BMPR1B: variants seen among roughly 807,000 people sequenced by gnomAD.
The protein encoded by BMPR1B is bone morphogenetic protein receptor type 1B.
A neutral mutation model predicts 59.1 loss-of-function variants in BMPR1B; 12 were observed. The ratio of observed to expected loss-of-function variants is 0.20; its 90% CI spans 0.13 to 0.33. The LOEUF (loss-of-function observed/expected upper bound fraction) is 0.33. Ranked by LOEUF, BMPR1B falls within the 10% of genes least tolerant of loss-of-function variation. BMPR1B has a pLI of 1.00. For synonymous variants in BMPR1B, 237 were observed against 207.3 expected, an observed-to-expected ratio of 1.14 and a Z score of -1.23; for missense variants, 550 against 610.9, an observed-to-expected ratio of 0.90 and a Z score of 1.05.
chr4:94,818,969 A>G (rs7658915), intron 1 of BMPR1B, among the ~76,000 whole-genome samples: 62,677 of 151,526 alleles, frequency 0.41, 13,436 homozygotes, highest in African/African-American at 0.54. Context: ...CCAACTCTAG[A>G]AAAAAAATTT....
intron 1 of BMPR1B, among the ~76,000 whole-genome samples, chr4:94,841,430 A>T (rs1725068564): frequency 6.6e-6 from 1 of 151,802 alleles, no homozygotes; most frequent in Admixed American, 6.6e-5. Context: ...TGGGCGTAGG[A>T]CCCTCCGAGC....
rs756876181 is a variant in BMPR1B, at chr4:94,891,892, C to T, written c.-113+15992C>T. On this transcript the variant is annotated intron_variant, in intron 2 of 12. Coordinates refer to ENST00000515059, the MANE Select transcript of BMPR1B (RefSeq NM_001203.3). ...TGAGGCTCTCTTGTGTTTGAGGCAC[C>T]ATGCCAAGCCCTGTGCCAAAGAGAC... Among the ~76,000 whole-genome samples, 9 of 151,998 alleles carry T rather than the reference C, an allele frequency of 5.9e-5. No individual in the cohort carries two copies. The South Asian group carries it at 1.2e-3, about 21-fold the overall frequency.
rs1731008059 is a variant in BMPR1B at position 94,975,729 on chromosome 4, T to C, written c.-112-20311T>C. On this transcript the variant is annotated intron_variant, in intron 2 of 12. Coordinates refer to ENST00000515059, the MANE Select transcript of BMPR1B (RefSeq NM_001203.3). ...ATGATATTATAATACCTAACCTGTT[T>C]TGGTTTTATTTCATGATTTCTCCCA... Among the ~76,000 whole-genome samples the C allele has an allele frequency of 2.0e-5, 3 of 152,270 alleles. No homozygotes were observed. The South Asian group carries it at 6.2e-4, about 32-fold the overall frequency.
In BMPR1B at chr4:94,799,595, C is replaced by T. The variant is rs557404254; in HGVS notation, c.-183+41527C>T. Among the ~76,000 whole-genome samples the T allele has an allele frequency of 6.5e-4, 99 of 152,144 alleles. 1 individual carries two copies. The South Asian group carries it at 0.018, about 27-fold the overall frequency. On this transcript the variant is annotated intron_variant, in intron 1 of 12. Transcript: ENST00000515059. Reference sequence around the variant, plus strand: ...GGGATTACAGGCATGAGCCACTGCGCCCAGCCAACTGTGTTTTTAATTCAT... The same window carrying T: ...GGGATTACAGGCATGAGCCACTGCGTCCAGCCAACTGTGTTTTTAATTCAT...
In BMPR1B at chr4:94,768,037, T is replaced by TA. The variant is rs36055467; in HGVS notation, c.-183+9979dup. On this transcript the variant is annotated intron_variant, in intron 1 of 12. Transcript: ENST00000515059. ...ATACGATTTGACTTTTGACACTTAC[T>TA]AAAAAAAAAAGGTATTTATAAAAAT... Among the ~76,000 whole-genome samples the TA allele has an allele frequency of 5.4e-4, 79 of 146,696 alleles. 1 individual carries two copies. The East Asian group carries it at 0.012, about 23-fold the overall frequency.
At chr4:94,917,948 C>T (rs983281140) in intron 2 of BMPR1B, among the ~76,000 whole-genome samples, 19 of 152,040 alleles carry the variant, frequency 1.2e-4, no homozygotes, top group Non-Finnish European at 2.5e-4. Flanking sequence ...GGGATCTGGT[C>T]ATTTAAAAGT....
At chr4:94,978,197 C>T (rs191685145) in intron 2 of BMPR1B, among the ~76,000 whole-genome samples, 2 of 152,286 alleles carry the variant, frequency 1.3e-5, no homozygotes, top group East Asian at 1.9e-4. Context: ...AAGTATGTTC[C>T]AGTTATCTAC....
chr4:94,854,548 A>G (rs774559061), intron 1 of BMPR1B, among the ~76,000 whole-genome samples: 45 of 152,228 alleles, frequency 3.0e-4, no homozygotes, highest in Admixed American at 2.7e-3. Flanking sequence ...CTTGGAATTC[A>G]GTATGTATTT....
chr4:95,152,537 G>T, intron 11 of BMPR1B, 106 bp from the exon 12 acceptor site: 2 of 989,862 alleles, frequency 2.0e-6, no homozygotes. Context: ...GCCTGAACTT[G>T]TCTGTAATAC....
chr4:95,133,820 T>C (rs1384359632), intron 10 of BMPR1B, among the ~76,000 whole-genome samples: 3 of 151,688 alleles, frequency 2.0e-5, no homozygotes, highest in African/African-American at 7.3e-5. Flanking sequence ...TCTTCCTGCA[T>C]CAGCCTCCCA....
intron 3 of BMPR1B, among the ~76,000 whole-genome samples, chr4:95,040,944 C>T (rs1041878204): frequency 1.5e-4 from 23 of 152,170 alleles, no homozygotes; most frequent in African/African-American, 5.3e-4. Flanking sequence ...CTCGCTGTAC[C>T]TCCTAAAGTA....
chr4:95,054,586 T>C (rs542203563), intron 3 of BMPR1B, among the ~76,000 whole-genome samples: 2 of 152,316 alleles, frequency 1.3e-5, no homozygotes, highest in Admixed American at 1.3e-4. Context: ...TTGAGCTACT[T>C]GTACTATCCT....
intron 3 of BMPR1B, among the ~76,000 whole-genome samples, chr4:95,049,388 A>G (rs1726272427): frequency 7.2e-6 from 1 of 138,022 alleles, no homozygotes; most frequent in African/African-American, 2.7e-5. Context: ...AGCTGGGATT[A>G]CAGGTACGAG....
intron 1 of BMPR1B, among the ~76,000 whole-genome samples, chr4:94,819,366 G>C (rs1463975762): frequency 1.3e-4 from 20 of 152,178 alleles, no homozygotes. Flanking sequence ...AATATAAGCA[G>C]CTCATGAACT....
chr4:95,144,830 T>C (rs1734525656), intron 10 of BMPR1B, among the ~76,000 whole-genome samples: 2 of 152,210 alleles, frequency 1.3e-5, no homozygotes, highest in Non-Finnish European at 2.9e-5. Flanking sequence ...TGCAACACTT[T>C]TGTTTTTAAT....
intron 1 of BMPR1B, among the ~76,000 whole-genome samples, chr4:94,865,132 C>A (rs1179610837): frequency 6.6e-6 from 1 of 151,856 alleles, no homozygotes. Context: ...GCCTCAGCCT[C>A]CCGAGTAGCT....
chr4:94,922,783 A>G (rs1728751594), intron 2 of BMPR1B, among the ~76,000 whole-genome samples: 1 of 152,166 alleles, frequency 6.6e-6, no homozygotes, highest in Non-Finnish European at 1.5e-5. Context: ...TATGATCCAT[A>G]AAGCCAACCT....
chr4:94,810,700 A>G (rs181493069), intron 1 of BMPR1B, among the ~76,000 whole-genome samples: 75 of 152,384 alleles, frequency 4.9e-4, no homozygotes, highest in African/African-American at 1.7e-3. Context: ...TATAAAGACA[A>G]ACTAAATGGT....
In BMPR1B at chr4:94,940,056, C is replaced by A. The variant is rs186080338; in HGVS notation, c.-112-55984C>A. 1.2e-3 allele frequency among the ~76,000 whole-genome samples: 188 copies of A among 152,272 alleles called. 2 individuals are homozygous for A. Among genetic ancestry groups the A allele is most frequent in the African/African-American group, 4.4e-3 (181 of 41,540 alleles). The stretch of plus-strand genomic sequence containing the variant: ...AGGAGTTAGGCCAGCAACACTAATG[C>A]ATTTGGGAGGTATTATTATATTGTA... On this transcript the variant is annotated intron_variant, in intron 2 of 12. Transcript: ENST00000515059.
Sources: gnomAD v4.1 joint callset for allele counts (sites outside exome capture counted in the v4.1 genomes callset) on GRCh38, gnomAD v4.1.1 for gene constraint, MANE v1.5 for transcripts, NCBI Gene and HGNC (gene_info 2026-07-23, HGNC 2026-07-21) for gene names.